The following RIF1 variants were observed in gnomAD, a reference collection of about 807,000 sequenced individuals.
RIF1 encodes the protein telomere-associated protein RIF1.
RIF1 carries 45 observed loss-of-function variants against 247.1 expected under a neutral mutation model. That is an observed-to-expected ratio of 0.18 (90% confidence interval 0.14 to 0.23). The LOEUF (loss-of-function observed/expected upper bound fraction) is 0.23. Ranked by LOEUF, RIF1 falls within the 10% of genes least tolerant of loss-of-function variation. The pLI is 1.00. For synonymous variants in RIF1, 1,087 were observed against 978.8 expected (o/e 1.11, Z -2.06); for missense variants, 2,967 against 2,862.5 (o/e 1.04, Z -0.83).
intron 34 of RIF1, among the ~76,000 whole-genome samples, chr2:151,471,025 C>G (rs1386951483): frequency 6.6e-6 from 1 of 151,072 alleles, no homozygotes; most frequent in Non-Finnish European, 1.5e-5. Context: ...AATTTTGAAT[C>G]TTTTTTTTTA....
At chr2:151,470,948 C>A (rs1697703397) in intron 34 of RIF1, among the ~76,000 whole-genome samples, 1 of 152,020 alleles carries the variant, frequency 6.6e-6, no homozygotes, top group Non-Finnish European at 1.5e-5. Flanking sequence ...GTGTAAAATT[C>A]ACCTACCCTA....
the RIF1 span, chr2:151,533,580 G>T: frequency 7.4e-7 from 1 of 1,359,474 alleles, no homozygotes; most frequent in Non-Finnish European, 1.0e-6. Context: ...GCACAAAAGA[G>T]ACTTATGAAG....
chr2:151,533,656 T>C, the RIF1 span: 1 of 679,106 alleles, frequency 1.5e-6, no homozygotes, highest in Non-Finnish European at 2.6e-6. Context: ...ATACACACTT[T>C]ATGTACTCAC....
rs752586147 is a variant in RIF1 at position 151,507,120 on chromosome 2, A to AT, written c.*1028-609_*1028-608insT. ...TTAAAATCCTGTATCTTTAAAAAAA[A>AT]GTCTATGCACAATAATTATGGTCTG... On this transcript the variant is annotated intron_variant and NMD_transcript_variant, in intron 13 of 13. Coordinates refer to the RIF1 transcript ENST00000454583. 53 of 708,902 alleles carry AT rather than the reference A, an allele frequency of 7.5e-5. No individual in the cohort carries two copies. In the South Asian group the frequency reaches 9.2e-4, roughly 12 times the overall value. 43.9% of individuals were successfully genotyped at this position (708,902 alleles called of 1,614,324 possible).
At chr2:151,506,003 A>G in intron 12 of RIF1, 1 of 686,504 alleles carries the variant, frequency 1.5e-6, no homozygotes, top group Non-Finnish European at 2.6e-6. Context: ...CACTGCACTG[A>G]ATATGAGATG....
chr2:151,475,038 T>C lies in RIF1; in HGVS notation c.7386T>C (p.Arg2462=), dbSNP rs963680227. ...ANSVIKNLQS[R]WRSPSHENSI ...CTGTAATAAAAAATCTACAGTCACG[T>C]TGGAGATCACCATCCCATGAAAATT... The change falls in exon 36 of 36, where the codon CGT becomes CGC. Residue 2462 remains arginine (R), a synonymous_variant. Coordinates refer to ENST00000444746, the MANE Select transcript of RIF1 (RefSeq NM_018151.5). 11 of 1,612,824 alleles carry C rather than the reference T, an allele frequency of 6.8e-6. No homozygotes were observed. Among genetic ancestry groups the C allele is most frequent in the African/African-American group, 4.0e-5 (3 of 74,890 alleles).
At chr2:151,440,982 G>A (rs769363625) in intron 15 of RIF1, among the ~76,000 whole-genome samples, 1 of 152,142 alleles carries the variant, frequency 6.6e-6, no homozygotes, top group Non-Finnish European at 1.5e-5. Flanking sequence ...GTTATGTAGT[G>A]CATGTTCATA....
chr2:151,512,019 CTTTTTTTTTTTTTTTTTTTTTTTTTTTT>C (rs71403173), downstream of RIF1, among the ~76,000 whole-genome samples: 1 of 93,568 alleles, frequency 1.1e-5, no homozygotes. Flanking sequence ...CCCTCTCACT[CTTTTTTTTTTTTTTTTTTTTTTTTTTTT>C]TGAGACAGAG....
the RIF1 span, chr2:151,524,740 C>T: frequency 1.3e-6 from 1 of 747,640 alleles, no homozygotes; most frequent in Non-Finnish European, 2.1e-6. Context: ...AATCTCAGCT[C>T]ACTGCAACTT....
chr2:151,469,125 C>CA (rs149313874), intron 33 of RIF1, among the ~76,000 whole-genome samples: 4,272 of 152,234 alleles, frequency 0.028, 83 homozygotes, highest in Non-Finnish European at 0.039. Flanking sequence ...GCATGAGACT[C>CA]ACATACATAA....
At chr2:151,499,257 AT>A in intron 10 of RIF1, 6 of 1,088,724 alleles carry the variant, frequency 5.5e-6, no homozygotes, top group Admixed American at 2.4e-5. Context: ...CTTTTTAAAC[AT>A]TTTTTTAAAT....
At chr2:151,530,930 T>C in the RIF1 span, 1 of 1,051,180 alleles carries the variant, frequency 9.5e-7, no homozygotes, top group East Asian at 2.5e-5. Flanking sequence ...TGGACCAGGG[T>C]TTGTTACATC....
intron 1 of RIF1, 130 bp downstream of exon 1, chr2:151,410,163 T>G: frequency 1.5e-6 from 1 of 656,430 alleles, no homozygotes; most frequent in Non-Finnish European, 2.8e-6. Context: ...CTCCCTCTGT[T>G]GAAAGCTGCC....
chr2:151,505,439 G>T, intron 12 of RIF1: 1 of 1,520,948 alleles, frequency 6.6e-7, no homozygotes, highest in Non-Finnish European at 9.1e-7. Flanking sequence ...TTGAGAGATG[G>T]CCAGTCACAC....
intron 10 of RIF1, among the ~76,000 whole-genome samples, chr2:151,495,923 C>T (rs2059866380): frequency 6.6e-6 from 1 of 152,078 alleles, no homozygotes; most frequent in Non-Finnish European, 1.5e-5. Flanking sequence ...TAAGAAAGAG[C>T]CGCATTGGAC....
intron 22 of RIF1, among the ~76,000 whole-genome samples, chr2:151,456,287 A>G (rs2152461964): frequency 6.6e-6 from 1 of 152,346 alleles, no homozygotes; most frequent in African/African-American, 2.4e-5. Flanking sequence ...TTAAGTCTAT[A>G]TTTCATCAAA....
the RIF1 span, chr2:151,524,244 ACTT>A: frequency 5.8e-5 from 78 of 1,334,224 alleles, no homozygotes; most frequent in Admixed American, 2.2e-4. Flanking sequence ...TCTGGAAATC[ACTT>A]CTTCCTGCAA....
In RIF1 at chr2:151,455,028, C is replaced by G. The variant is rs764985969; in HGVS notation, c.2478C>G (p.Thr826=). ...TLSFKEAHSD[T]LFTIGNSITG... ...GCTTCAAGGAAGCACATTCTGATAC[C>G]CTCTTCACTATTGGCAACTCAATCA... The change falls in exon 22 of 36, where the codon ACC becomes ACG. Residue 826 remains threonine (T), a synonymous_variant. Coordinates refer to ENST00000444746, the MANE Select transcript of RIF1 (RefSeq NM_018151.5). The G allele has an allele frequency of 2.5e-6, 4 of 1,613,632 alleles. No homozygotes were observed. In the African/African-American group the frequency reaches 4.0e-5, roughly 16 times the overall value.
intron 2 of RIF1, among the ~76,000 whole-genome samples, chr2:151,411,049 G>A (rs1686102722): frequency 6.6e-6 from 1 of 152,134 alleles, no homozygotes; most frequent in Non-Finnish European, 1.5e-5. Context: ...GCATGTACTC[G>A]ATGTAAAAAC....
Sources: allele counts gnomAD v4.1 joint callset (sites outside exome capture counted in the v4.1 genomes callset), GRCh38; gene constraint gnomAD v4.1.1; transcripts MANE v1.5; gene names NCBI Gene and HGNC (gene_info 2026-07-23, HGNC 2026-07-21).